Variants in SANBR observed in about 807,000 individuals in gnomAD.
SANBR encodes the protein SANT and BTB domain regulator of class switch recombination.
SANBR carries 77 observed loss-of-function variants against 101.8 expected under a neutral mutation model. That is an observed-to-expected ratio of 0.76 (90% CI 0.63 to 0.91). The LOEUF (loss-of-function observed/expected upper bound fraction) is 0.91, where lower values mean the gene tolerates loss of function less well. SANBR is among the 40% of genes least tolerant of loss of function. The pLI is 0.00. For synonymous variants in SANBR, 279 were observed against 274.7 expected, an observed-to-expected ratio of 1.02 and a Z score of -0.15; for missense variants, 875 against 853.0, an observed-to-expected ratio of 1.03 and a Z score of -0.32.
rs185272001 is a variant in SANBR, at chr2:61,092,578, A to G, written c.1203A>G (p.Arg401=). 5.0e-6 allele frequency: 8 copies of G among 1,585,554 alleles called. No individual in the cohort carries two copies. The East Asian group carries it at 1.4e-4, about 27-fold the overall frequency. The change falls in exon 11 of 22, where the codon AGA becomes AGG. Residue 401 remains arginine (R), a synonymous_variant. Coordinates refer to ENST00000402291, the MANE Select transcript of SANBR (RefSeq NM_001129993.3). ...CAATCAATTGGCTGACTTGTTCAAG[A>G]TGTTATCAGGTAAGATTTTTTTTTT... ...WGTINWLTCS[R]CYQAFLCIEF...
In SANBR at chr2:61,088,339, G is replaced by C; in HGVS notation, c.978-19G>C. ...ACATTCTTCTTCCTGGATGTTTTTTGTATCTTCTTTGTTTATAGATGCTGT... is the reference window on the plus strand; with the variant it reads ...ACATTCTTCTTCCTGGATGTTTTTTCTATCTTCTTTGTTTATAGATGCTGT... On this transcript the variant is annotated intron_variant, in intron 9 of 21. Coordinates refer to ENST00000402291, the MANE Select transcript of SANBR (RefSeq NM_001129993.3). 1 of 1,564,454 alleles carries C rather than the reference G, an allele frequency of 6.4e-7. No individual in the cohort carries two copies. The highest frequency in any genetic ancestry group is 8.6e-7 in the Non-Finnish European group (1 of 1,157,272).
Position 61,118,117 on chromosome 2 carries a change from G to A in SANBR, c.2028+1G>A. ...AGTCAAGTCAAAGGAAGCAAAAGAA[G>A]TAAGAATTGTGTACTAGTGTATTGT... On this transcript the variant is annotated splice_donor_variant, in intron 20 of 21. Transcript: ENST00000402291. LOFTEE classifies it high-confidence loss of function. 1 of 1,604,928 alleles carries A rather than the reference G, an allele frequency of 6.2e-7. No homozygotes were observed. Among genetic ancestry groups the A allele is most frequent in the Non-Finnish European group, 8.5e-7 (1 of 1,172,470 alleles).
chr2:61,131,665 C>G (rs1364116791), intron 20 of SANBR, among the ~76,000 whole-genome samples: 1 of 152,198 alleles, frequency 6.6e-6, no homozygotes, highest in Non-Finnish European at 1.5e-5. Flanking sequence ...GAGAGACTCT[C>G]TTCCTTGTAG....
At chr2:61,131,736 C>T (rs563572142) in intron 20 of SANBR, among the ~76,000 whole-genome samples, 24 of 152,256 alleles carry the variant, frequency 1.6e-4, no homozygotes, top group African/African-American at 5.8e-4. Flanking sequence ...ATAGCCAAAA[C>T]AATTTTGGAA....
At chr2:61,136,402 AG>A (rs1684849896) in intron 21 of SANBR, among the ~76,000 whole-genome samples, 1 of 151,720 alleles carries the variant, frequency 6.6e-6, no homozygotes, top group Non-Finnish European at 1.5e-5. Flanking sequence ...TGGGAGGCCG[AG>A]GTGGGTGGAC....
chr2:61,118,081 G>A lies in SANBR; in HGVS notation c.1993G>A (p.Asp665Asn). Residue 665 changes from aspartate (D) to asparagine (N), a missense_variant, in exon 20 of 22, where the codon GAT becomes AAT. By Grantham distance (23) the Asp-to-Asn change is conservative (BLOSUM62 1). Transcript: ENST00000402291. The stretch of plus-strand genomic sequence containing the variant: ...GCACCTAATAAAAATGAGATTGGGG[G>A]ATCTGGACCGAGTCAAGTCAAAGGA... ...TGHLIKMRLG[D>N]LDRVKSKEAK... 1 of 1,613,760 alleles carries A rather than the reference G, an allele frequency of 6.2e-7. No homozygotes were observed. Among genetic ancestry groups the A allele is most frequent in the Non-Finnish European group, 8.5e-7 (1 of 1,179,784 alleles).
intron 3 of SANBR, among the ~76,000 whole-genome samples, chr2:61,071,084 T>A (rs895153068): frequency 3.9e-5 from 6 of 152,066 alleles, no homozygotes; most frequent in African/African-American, 7.2e-5. Flanking sequence ...ACATTAAAAC[T>A]CTACCCTGAA....
At chr2:61,112,244 T>A (rs1683865851) in intron 16 of SANBR, among the ~76,000 whole-genome samples, 1 of 152,206 alleles carries the variant, frequency 6.6e-6, no homozygotes, top group Non-Finnish European at 1.5e-5. Context: ...CAATACTTGG[T>A]ATTATTGGTC....
intron 11 of SANBR, 40 bp from the exon 12 acceptor site, chr2:61,097,660 T>C (rs753851030): frequency 7.0e-7 from 1 of 1,438,370 alleles, no homozygotes; most frequent in East Asian, 2.3e-5. Flanking sequence ...TATAATTTTG[T>C]TGTGGAAATA....
Position 61,117,932 on chromosome 2 carries a change from T to C in SANBR, c.1940-96T>C, listed in dbSNP as rs1684152309. On this transcript the variant is annotated intron_variant, in intron 19 of 21. Transcript: ENST00000402291. ...GTCTGTAAAATAGTATCAAAGGATA[T>C]TTTCATAAACCCTAGGTGATTACAG... 8 of 890,926 alleles carry C rather than the reference T, an allele frequency of 9.0e-6. No individual in the cohort carries two copies. In the East Asian group the frequency reaches 2.1e-4, roughly 23 times the overall value. The allele number at this position is 890,926 out of a possible 1,614,324, so 55.2% of individuals were successfully genotyped here.
chr2:61,106,256 T>C (rs1683558567), intron 13 of SANBR, among the ~76,000 whole-genome samples: 1 of 151,678 alleles, frequency 6.6e-6, no homozygotes, highest in African/African-American at 2.4e-5. Context: ...CCAGGCATGA[T>C]GGTGGGTGCC....
rs1681468839 is a variant in SANBR, at chr2:61,071,535, G to A, written c.151-71G>A. 5.9e-6 allele frequency: 6 copies of A among 1,020,370 alleles called. No individual in the cohort carries two copies. The African/African-American group carries it at 6.8e-5, about 12-fold the overall frequency. 63.2% of individuals were successfully genotyped at this position (1,020,370 alleles called of 1,614,324 possible). ...ACTGCACTCCAGCCTGGGCGACAAT[G>A]TGAGACTCCGTCTCAAAAAAAAAAA... On this transcript the variant is annotated intron_variant, in intron 3 of 21. Transcript: ENST00000402291.
chr2:61,086,816 T>A (rs989646187), intron 8 of SANBR, among the ~76,000 whole-genome samples: 9 of 152,150 alleles, frequency 5.9e-5, no homozygotes, highest in Admixed American at 3.9e-4. Context: ...AGGAATAAAT[T>A]AATAATGCAG....
intron 21 of SANBR, among the ~76,000 whole-genome samples, chr2:61,135,214 C>A (rs556316014): frequency 3.6e-4 from 55 of 151,968 alleles, no homozygotes; most frequent in Non-Finnish European, 2.4e-4. Context: ...TATATTTGCC[C>A]AAATTTAAAA....
intron 11 of SANBR, among the ~76,000 whole-genome samples, chr2:61,093,809 GTT>G (rs770201116): frequency 6.6e-6 from 1 of 152,130 alleles, no homozygotes; most frequent in Non-Finnish European, 1.5e-5. Flanking sequence ...TTCCCAAAAA[GTT>G]TTTGTTTTTT....
chr2:61,122,595 G>A lies in SANBR; in HGVS notation c.*433G>A, dbSNP rs988700304. 7 of 988,108 alleles carry A rather than the reference G, an allele frequency of 7.1e-6. No individual in the cohort carries two copies. In the East Asian group the frequency reaches 3.3e-4, roughly 47 times the overall value. The allele number at this position is 988,108 out of a possible 1,614,324, so 61.2% of individuals were successfully genotyped here. On this transcript the variant is annotated 3_prime_UTR_variant, in exon 22 of 22. Transcript: ENST00000402291. ...GCTGTAAATCTTGAGATAGCATTGA[G>A]AACTGCAGGTTGTGTGACGAAATTC... is the stretch of plus-strand genomic sequence containing the variant.
rs1029271411 is a variant in SANBR at position 61,123,098 on chromosome 2, A to G, written c.*936A>G. On this transcript the variant is annotated 3_prime_UTR_variant, in exon 22 of 22. Transcript: ENST00000402291. Reference sequence around the variant, plus strand: ...TCAAGAAAAATCAAAATAAAATTCTATTTTATAAATCATGTTTAAATTTTT... The same window carrying G: ...TCAAGAAAAATCAAAATAAAATTCTGTTTTATAAATCATGTTTAAATTTTT... 2.1e-6 allele frequency: 2 copies of G among 970,640 alleles called. No homozygotes were observed. Among genetic ancestry groups the G allele is most frequent in the Non-Finnish European group, 1.2e-6 (1 of 816,452 alleles). The allele number at this position is 970,640 out of a possible 1,614,324, so 60.1% of individuals were successfully genotyped here. A position where few individuals can be genotyped will look rare whatever the true frequency, so the allele number is the denominator to read the frequency against.
chr2:61,107,934 C>G (rs943104143), intron 14 of SANBR, among the ~76,000 whole-genome samples: 2 of 151,634 alleles, frequency 1.3e-5, no homozygotes, highest in African/African-American at 4.8e-5. Flanking sequence ...AATTATATGT[C>G]AAACAACAAA....
rs75398959 is a variant in SANBR at position 61,098,540 on chromosome 2, A to G, written c.1365+688A>G. On this transcript the variant is annotated intron_variant, in intron 12 of 21. Coordinates refer to ENST00000402291, the MANE Select transcript of SANBR (RefSeq NM_001129993.3). ...TGCTGTATAATATTCCAAGCTATGT[A>G]TATATCACAATTTAACCATTCTCCT... 8.0e-3 allele frequency among the ~76,000 whole-genome samples: 1,221 copies of G among 152,338 alleles called. 18 individuals carry two copies. Among genetic ancestry groups the G allele is most frequent in the African/African-American group, 0.028 (1,148 of 41,578 alleles).
Sources: gnomAD v4.1 joint callset for allele counts (sites outside exome capture counted in the v4.1 genomes callset) on GRCh38, gnomAD v4.1.1 for gene constraint, MANE v1.5 for transcripts, NCBI Gene and HGNC (gene_info 2026-07-23, HGNC 2026-07-21) for gene names.